MYO5B: variants seen among roughly 807,000 people sequenced by gnomAD.
The protein encoded by MYO5B is unconventional myosin-Vb.
MYO5B carries 143 observed loss-of-function variants against 229.3 expected under a neutral mutation model. That is an observed-to-expected ratio of 0.62 (90% CI 0.54 to 0.72). MYO5B has a LOEUF of 0.72. Among genes scored for constraint, MYO5B ranks in the 30% least tolerant of loss-of-function variants. The probability of loss-of-function intolerance (pLI) is 0.00; values close to 1 mark genes in which losing one functional copy is unlikely to be tolerated. For missense variants in MYO5B, 2,321 were observed against 2,331.0 expected, an observed-to-expected ratio of 1.00 and a Z score of 0.09; for synonymous variants, 918 against 885.2, an observed-to-expected ratio of 1.04 and a Z score of -0.66.
intron 16 of MYO5B, among the ~76,000 whole-genome samples, chr18:49,930,994 C>G (rs1169138078): frequency 6.6e-6 from 1 of 152,052 alleles, no homozygotes; most frequent in East Asian, 1.9e-4. Context: ...TTAAGGCAAC[C>G]TAGAATTAAT....
chr18:50,166,441 G>C (rs1007250588), intron 1 of MYO5B, among the ~76,000 whole-genome samples: 5 of 152,092 alleles, frequency 3.3e-5, no homozygotes, highest in African/African-American at 1.2e-4. Context: ...TAAACATCAG[G>C]TTTACAAAAC....
intron 4 of MYO5B, among the ~76,000 whole-genome samples, chr18:50,012,130 G>A (rs922551342): frequency 2.6e-5 from 4 of 152,216 alleles, no homozygotes; most frequent in African/African-American, 9.7e-5. Flanking sequence ...CAAAATCTCT[G>A]AGGGGTGAGG....
intron 1 of MYO5B, among the ~76,000 whole-genome samples, chr18:50,136,730 A>G (rs1416226281): frequency 6.6e-6 from 1 of 152,230 alleles, no homozygotes; most frequent in East Asian, 1.9e-4. Context: ...TTAGTAAAGC[A>G]GTATCCTCAT....
chr18:49,903,904 C>T (rs1209048813), intron 20 of MYO5B, among the ~76,000 whole-genome samples: 1 of 152,200 alleles, frequency 6.6e-6, no homozygotes, highest in Non-Finnish European at 1.5e-5. Context: ...CTCCTGACCT[C>T]ACCATGTTGG....
At chr18:50,075,359 C>T (rs1055118028) in intron 1 of MYO5B, among the ~76,000 whole-genome samples, 1 of 152,148 alleles carries the variant, frequency 6.6e-6, no homozygotes, top group South Asian at 2.1e-4. Flanking sequence ...TTTTAAACAC[C>T]TACATATACA....
intron 14 of MYO5B, among the ~76,000 whole-genome samples, chr18:49,945,207 G>A (rs1442089536): frequency 1.3e-5 from 2 of 152,004 alleles, no homozygotes; most frequent in Admixed American, 6.5e-5. Context: ...TCTCCCCTAG[G>A]CCATGGCTCC....
intron 1 of MYO5B, among the ~76,000 whole-genome samples, chr18:50,060,423 A>G (rs1461578992): frequency 6.6e-6 from 1 of 152,224 alleles, no homozygotes; most frequent in Non-Finnish European, 1.5e-5. Context: ...CAGATTTACT[A>G]TAAGCCAACA....
At chr18:49,913,583 A>T (rs182425421) in intron 17 of MYO5B, among the ~76,000 whole-genome samples, 41 of 152,238 alleles carry the variant, frequency 2.7e-4, no homozygotes, top group Non-Finnish European at 5.1e-4. Flanking sequence ...ACGTGGAAGT[A>T]ATTTATGTGA....
intron 1 of MYO5B, among the ~76,000 whole-genome samples, chr18:50,125,426 C>T (rs1180270977): frequency 2.0e-5 from 3 of 151,460 alleles, no homozygotes; most frequent in East Asian, 1.9e-4. Context: ...ATGTAAATGA[C>T]GAGTTAATGG....
At chr18:50,161,085 C>T (rs1370477745) in intron 1 of MYO5B, among the ~76,000 whole-genome samples, 1 of 152,170 alleles carries the variant, frequency 6.6e-6, no homozygotes, top group African/African-American at 2.4e-5. Context: ...CCTTGTGGAG[C>T]TCACAACCTG....
rs540838779 is a variant in MYO5B at position 50,174,366 on chromosome 18, C to T, written c.27+20401G>A. Among the ~76,000 whole-genome samples, 4 of 152,218 alleles carry T rather than the reference C, an allele frequency of 2.6e-5. No homozygotes were observed. In the South Asian group the frequency reaches 8.3e-4, roughly 32 times the overall value. ...TCACTCCCATCAGCCCCCATCAGCC[C>T]CTAGCTCCTGAGAAGGTACAGCACC... is the stretch of plus-strand genomic sequence containing the variant. On this transcript the variant is annotated intron_variant, in intron 1 of 39. Transcript: ENST00000285039.
intron 1 of MYO5B, among the ~76,000 whole-genome samples, chr18:50,148,421 T>C (rs2032540502): frequency 6.6e-6 from 1 of 151,592 alleles, no homozygotes; most frequent in African/African-American, 2.4e-5. Flanking sequence ...TGAACATTGA[T>C]GCAAAAATCC....
At chr18:49,898,642 G>A (rs1031059196) in intron 21 of MYO5B, among the ~76,000 whole-genome samples, 3 of 152,130 alleles carry the variant, frequency 2.0e-5, no homozygotes, top group Non-Finnish European at 4.4e-5. Context: ...AAAGCCCACA[G>A]GAAAAACAAG....
chr18:49,887,324 C>T (rs1241224613), intron 22 of MYO5B, among the ~76,000 whole-genome samples: 5 of 152,114 alleles, frequency 3.3e-5, no homozygotes, highest in Non-Finnish European at 5.9e-5. Flanking sequence ...GTGTAGGATG[C>T]TCAAAGGATG....
At chr18:49,930,250 C>T (rs940260255) in intron 16 of MYO5B, among the ~76,000 whole-genome samples, 2 of 152,326 alleles carry the variant, frequency 1.3e-5, no homozygotes, top group East Asian at 1.9e-4. Flanking sequence ...AGGGCACATA[C>T]GTTGTGTATG....
chr18:49,839,012 A>G, intron 36 of MYO5B, 132 bp downstream of exon 36: 2 of 1,108,120 alleles, frequency 1.8e-6, no homozygotes, highest in Non-Finnish European at 2.7e-6. Context: ...TTCTGCCTTC[A>G]CTGGAAGGTT....
At chr18:49,898,259 A>G (rs2144136724) in intron 21 of MYO5B, among the ~76,000 whole-genome samples, 1 of 152,340 alleles carries the variant, frequency 6.6e-6, no homozygotes, top group East Asian at 1.9e-4. Flanking sequence ...ATTACATATA[A>G]CGAATTTAAC....
intron 12 of MYO5B, among the ~76,000 whole-genome samples, chr18:49,959,390 A>C (rs1477617543): frequency 1.3e-5 from 2 of 152,234 alleles, no homozygotes; most frequent in Non-Finnish European, 1.5e-5. Context: ...TCACACCTCT[A>C]CACGAAAGCG....
intron 14 of MYO5B, among the ~76,000 whole-genome samples, chr18:49,939,640 C>T (rs548091598): frequency 6.6e-6 from 1 of 152,334 alleles, no homozygotes; most frequent in South Asian, 2.1e-4. Flanking sequence ...GTTCCCTCCA[C>T]CACCAAGCAC....
Sources: allele counts gnomAD v4.1 joint callset (sites outside exome capture counted in the v4.1 genomes callset), GRCh38; gene constraint gnomAD v4.1.1; transcripts MANE v1.5; gene names NCBI Gene and HGNC (gene_info 2026-07-23, HGNC 2026-07-21).